DENND1A: variants seen among roughly 807,000 people sequenced by gnomAD.
DENND1A encodes the protein DENN domain containing 1A.
DENND1A carries 51 observed loss-of-function variants against 113.7 expected under a neutral mutation model. The observed-to-expected ratio is 0.45, with a 90% CI of 0.36 to 0.57. The LOEUF (loss-of-function observed/expected upper bound fraction) is 0.57, where lower values mean the gene tolerates loss of function less well. DENND1A is among the 20% of genes least tolerant of loss of function. The pLI, the probability that DENND1A is intolerant of heterozygous loss-of-function variation, is 0.00. For missense variants in DENND1A, 1,258 were observed against 1,395.9 expected (o/e 0.90, Z 1.57); for synonymous variants, 565 against 570.8 (o/e 0.99, Z 0.14).
chr9:123,760,112 A>G (rs1420630368), intron 4 of DENND1A, among the ~76,000 whole-genome samples: 1 of 152,240 alleles, frequency 6.6e-6, no homozygotes, highest in East Asian at 1.9e-4. Context: ...ATCAACTCAT[A>G]TTGTATTTTA....
intron 12 of DENND1A, among the ~76,000 whole-genome samples, chr9:123,560,689 CAAA>C (rs202038661): frequency 8.1e-5 from 9 of 110,692 alleles, no homozygotes; most frequent in Non-Finnish European, 7.8e-5. Context: ...GACCCTGTCT[CAAA>C]AAAAAAAAAA....
At chr9:123,424,924 G>A (rs2045596592) in intron 19 of DENND1A, among the ~76,000 whole-genome samples, 1 of 152,190 alleles carries the variant, frequency 6.6e-6, no homozygotes, top group South Asian at 2.1e-4. Context: ...GTTAGTCCTT[G>A]CCATCCCTTC....
chr9:123,835,871 A>G (rs1840983608), intron 2 of DENND1A, among the ~76,000 whole-genome samples: 1 of 152,164 alleles, frequency 6.6e-6, no homozygotes. Flanking sequence ...TATATGCTAT[A>G]TAAAAGTGGG....
chr9:123,505,084 A>G (rs1002547484), intron 13 of DENND1A, among the ~76,000 whole-genome samples: 2 of 152,236 alleles, frequency 1.3e-5, no homozygotes, highest in African/African-American at 4.8e-5. Context: ...ATAACTCTGA[A>G]GGAACTCCGT....
intron 5 of DENND1A, among the ~76,000 whole-genome samples, chr9:123,688,542 C>T (rs748326101): frequency 6.6e-6 from 1 of 152,130 alleles, no homozygotes; most frequent in Admixed American, 6.5e-5. Flanking sequence ...GCAACAGGCG[C>T]AGAGCTTGGA....
intron 18 of DENND1A, among the ~76,000 whole-genome samples, chr9:123,448,327 A>G (rs1304794223): frequency 2.6e-5 from 4 of 152,242 alleles, no homozygotes; most frequent in Non-Finnish European, 2.9e-5. Flanking sequence ...GTTACTTATC[A>G]TAAGAAGGGG....
chr9:123,730,653 TG>T (rs1162164914), intron 5 of DENND1A, among the ~76,000 whole-genome samples: 1 of 152,172 alleles, frequency 6.6e-6, no homozygotes, highest in Non-Finnish European at 1.5e-5. Flanking sequence ...TTTACTCTGT[TG>T]GTGGGAGTGT....
At chr9:123,474,873 T>A (rs1019164802) in intron 13 of DENND1A, among the ~76,000 whole-genome samples, 2 of 152,204 alleles carry the variant, frequency 1.3e-5, no homozygotes, top group Non-Finnish European at 1.5e-5. Context: ...GTGAAAAGCA[T>A]GGGTTCAGCC....
intron 9 of DENND1A, among the ~76,000 whole-genome samples, chr9:123,638,849 A>G (rs1376746401): frequency 1.3e-5 from 2 of 152,128 alleles, no homozygotes; most frequent in Middle Eastern, 3.4e-3. Flanking sequence ...GGATATTTCT[A>G]TTTCTTTGAC....
chr9:123,609,335 C>G, intron 11 of DENND1A, 101 bp downstream of exon 11: 1 of 1,314,464 alleles, frequency 7.6e-7, no homozygotes, highest in South Asian at 1.3e-5. Context: ...AGCATGCTCC[C>G]ACGTGCAGAG....
intron 11 of DENND1A, among the ~76,000 whole-genome samples, chr9:123,605,307 G>A (rs2060106160): frequency 6.6e-6 from 1 of 152,144 alleles, no homozygotes; most frequent in Non-Finnish European, 1.5e-5. Flanking sequence ...GGCTTGAGGA[G>A]GAAGGTCTTC....
At chr9:123,539,838 G>A (rs536584923) in intron 13 of DENND1A, among the ~76,000 whole-genome samples, 122 of 148,474 alleles carry the variant, frequency 8.2e-4, no homozygotes, top group African/African-American at 2.9e-3. Context: ...AGCCGAGATC[G>A]CGCCACTGCA....
At chr9:123,484,921 C>T (rs773641190) in intron 13 of DENND1A, among the ~76,000 whole-genome samples, 2 of 152,166 alleles carry the variant, frequency 1.3e-5, no homozygotes, top group East Asian at 1.9e-4. Flanking sequence ...CCTCCCTCTG[C>T]GCCCCCTCCC....
chr9:123,925,192 A>C (rs1326800791), intron 1 of DENND1A, among the ~76,000 whole-genome samples: 1 of 152,188 alleles, frequency 6.6e-6, no homozygotes, highest in African/African-American at 2.4e-5. Context: ...CTGGCATTTA[A>C]GTGCCAGGAA....
chr9:123,651,981 T>C lies in DENND1A; in HGVS notation c.618+32A>G, dbSNP rs774032192. 3.2e-6 allele frequency: 5 copies of C among 1,571,962 alleles called. No homozygotes were observed. The East Asian group carries it at 9.1e-5, about 28-fold the overall frequency. On this transcript the variant is annotated intron_variant, in intron 9 of 23. Coordinates refer to ENST00000394215, the MANE Select transcript of DENND1A (RefSeq NM_001352964.2). ...GTATCTTTCAATTAAAATTAGATCA[T>C]TAAAAAGCCAGTCTTAAGACTGTCT...
chr9:123,740,355 C>A (rs1182833886), intron 5 of DENND1A, among the ~76,000 whole-genome samples: 2 of 152,164 alleles, frequency 1.3e-5, no homozygotes, highest in African/African-American at 4.8e-5. Context: ...AATCTACTCT[C>A]AGTATAGAGC....
At chr9:123,789,849 A>G (rs925886213) in intron 3 of DENND1A, among the ~76,000 whole-genome samples, 1 of 152,138 alleles carries the variant, frequency 6.6e-6, no homozygotes, top group African/African-American at 2.4e-5. Context: ...TGTAAGGTAC[A>G]AAGAACACAC....
intron 13 of DENND1A, among the ~76,000 whole-genome samples, chr9:123,536,756 C>A (rs550989070): frequency 2.6e-5 from 4 of 151,258 alleles, no homozygotes; most frequent in African/African-American, 9.7e-5. Flanking sequence ...AGGACAGATA[C>A]GAGAGAGAGA....
chr9:123,388,593 C>CT (rs200142341), intron 21 of DENND1A, among the ~76,000 whole-genome samples: 2,832 of 152,334 alleles, frequency 0.019, 35 homozygotes, highest in Non-Finnish European at 0.03. Context: ...TTCAGAGAGT[C>CT]TTTTTCATCT....
Sources: gnomAD v4.1 joint callset for allele counts (sites outside exome capture counted in the v4.1 genomes callset) on GRCh38, gnomAD v4.1.1 for gene constraint, MANE v1.5 for transcripts, NCBI Gene and HGNC (gene_info 2026-07-23, HGNC 2026-07-21) for gene names.